The following EEPD1 variants were observed in gnomAD, a reference collection of about 807,000 sequenced individuals.
EEPD1 encodes the protein endonuclease/exonuclease/phosphatase family domain containing 1.
EEPD1 carries 17 observed loss-of-function variants against 46.3 expected under a neutral mutation model. The observed-to-expected ratio is 0.37, with a 90% confidence interval of 0.25 to 0.55. EEPD1 has a LOEUF of 0.55. Among genes scored for constraint, EEPD1 ranks in the 20% least tolerant of loss-of-function variants. The pLI, the probability that EEPD1 is intolerant of heterozygous loss-of-function variation, is 0.83. For synonymous variants in EEPD1, 313 were observed against 315.6 expected (o/e 0.99, Z 0.09); for missense variants, 673 against 745.6 (o/e 0.90, Z 1.13).
intron 3 of EEPD1, among the ~76,000 whole-genome samples, chr7:36,264,131 A>G (rs953771026): frequency 6.6e-6 from 1 of 152,218 alleles, no homozygotes; most frequent in Non-Finnish European, 1.5e-5. Flanking sequence ...GAAAATTTTA[A>G]AGCAAGAAGA....
Position 36,275,712 on chromosome 7 carries a change from G to A in EEPD1, c.931-5403G>A, listed in dbSNP as rs375245790. Among the ~76,000 whole-genome samples, 11 of 152,220 alleles carry A rather than the reference G, an allele frequency of 7.2e-5. No individual in the cohort carries two copies. The East Asian group carries it at 1.5e-3, about 21-fold the overall frequency. ...CCTGACCTCGTGATCCACCCGCTTCGCCCTTCCAAAGTATTGGGATTACAG... is the reference window on the plus strand; with the variant it reads ...CCTGACCTCGTGATCCACCCGCTTCACCCTTCCAAAGTATTGGGATTACAG... On this transcript the variant is annotated intron_variant, in intron 3 of 7. Coordinates refer to ENST00000242108, the MANE Select transcript of EEPD1 (RefSeq NM_030636.3).
At chr7:36,230,105 A>G (rs1370820624) in intron 2 of EEPD1, among the ~76,000 whole-genome samples, 2 of 151,984 alleles carry the variant, frequency 1.3e-5, no homozygotes, top group Non-Finnish European at 2.9e-5. Flanking sequence ...TGGAAACTGG[A>G]GTAATGTTTC....
At chr7:36,273,877 T>C (rs758523804) in intron 3 of EEPD1, among the ~76,000 whole-genome samples, 1 of 152,230 alleles carries the variant, frequency 6.6e-6, no homozygotes, top group African/African-American at 2.4e-5. Flanking sequence ...CAAGCCCAGC[T>C]CATTCTTTCA....
At chr7:36,283,383 C>G (rs1787290953) in intron 4 of EEPD1, among the ~76,000 whole-genome samples, 1 of 152,154 alleles carries the variant, frequency 6.6e-6, no homozygotes, top group African/African-American at 2.4e-5. Flanking sequence ...GGCTTCCCCT[C>G]CAGGGCCATC....
chr7:36,285,741 G>A (rs543813216), intron 5 of EEPD1, among the ~76,000 whole-genome samples: 2 of 152,286 alleles, frequency 1.3e-5, no homozygotes, highest in East Asian at 3.9e-4. Context: ...AGCAGTTCTT[G>A]AACCTGACAG....
rs369100874 is a variant in EEPD1, at chr7:36,215,187, ACGAGC to A, written c.879-23791_879-23787del. Among the ~76,000 whole-genome samples, 540 of 152,306 alleles carry A rather than the reference ACGAGC, an allele frequency of 3.5e-3. 3 individuals carry two copies. The highest frequency in any genetic ancestry group is 0.012 in the African/African-American group (507 of 41,578). On this transcript the variant is annotated intron_variant, in intron 2 of 7. Transcript: ENST00000242108. The stretch of plus-strand genomic sequence containing the variant: ...TGCTGTTGCTTAACGATAACCAGAC[ACGAGC>A]CGAGCCCACCCGCTGCTGCCCTCCC...
At chr7:36,182,676 A>C (rs1485863382) in intron 2 of EEPD1, among the ~76,000 whole-genome samples, 1 of 152,244 alleles carries the variant, frequency 6.6e-6, no homozygotes, top group African/African-American at 2.4e-5. Context: ...GGACTTGCCC[A>C]GTAATGCACA....
rs755806408 is a variant in EEPD1, at chr7:36,154,556, GA to G, written c.233del (p.Glu78GlyfsTer9). ...REYIGGFKKV[E>X]DLALVSGVGA... is the part of the protein sequence containing the mutation. ...GTATATCGGTGGCTTCAAGAAGGTGGAGGACCTGGCATTGGTCAGTGGTGTA... is the reference window on the plus strand; with the variant it reads ...GTATATCGGTGGCTTCAAGAAGGTGGGGACCTGGCATTGGTCAGTGGTGTA... On this transcript the variant is annotated frameshift_variant, in exon 2 of 8. Transcript: ENST00000242108. LOFTEE classifies it high-confidence loss of function. This position sits in a 1 kb window ranked among gnomAD's most constrained non-coding sequence, Gnocchi z 4.2. 2 of 1,614,064 alleles carry G rather than the reference GA, an allele frequency of 1.2e-6. No homozygotes were observed. Among genetic ancestry groups the G allele is most frequent in the African/African-American group, 2.7e-5 (2 of 74,930 alleles).
intron 3 of EEPD1, among the ~76,000 whole-genome samples, chr7:36,270,666 A>G (rs1019150967): frequency 6.6e-6 from 1 of 152,190 alleles, no homozygotes; most frequent in Non-Finnish European, 1.5e-5. Flanking sequence ...ATGGTATTCC[A>G]TGGTGTATAT....
chr7:36,237,176 C>T (rs902357905), intron 2 of EEPD1, among the ~76,000 whole-genome samples: 2 of 152,208 alleles, frequency 1.3e-5, no homozygotes, highest in East Asian at 1.9e-4. Context: ...AGCGAAACCA[C>T]GAACCCACCA....
chr7:36,264,171 GTC>G (rs2115835826), intron 3 of EEPD1, among the ~76,000 whole-genome samples: 1 of 152,296 alleles, frequency 6.6e-6, no homozygotes, highest in East Asian at 1.9e-4. Context: ...TTGCAGTTTG[GTC>G]TCTCTAGTTT....
In EEPD1 at chr7:36,284,725, G is replaced by C. The variant is rs759452624; in HGVS notation, c.1081G>C (p.Gly361Arg). Residue 361 changes from glycine (G) to arginine (R), a missense_variant, in exon 5 of 8, where the codon GGC becomes CGC. Physicochemically the swap from Gly to Arg is moderately radical, Grantham distance 125 (BLOSUM62 -2). Transcript: ENST00000242108. ...YAGFLWDAAAGMELRDAGSQE... is the reference protein window; with the variant it reads ...YAGFLWDAAARMELRDAGSQE... ...AGGATTCCTATGGGACGCGGCTGCCGGCATGGAGCTGAGAGACGCGGGTTC... is the reference window on the plus strand; with the variant it reads ...AGGATTCCTATGGGACGCGGCTGCCCGCATGGAGCTGAGAGACGCGGGTTC... 5 of 1,611,246 alleles carry C rather than the reference G, an allele frequency of 3.1e-6. No homozygotes were observed. Among genetic ancestry groups the C allele is most frequent in the Non-Finnish European group, 4.2e-6 (5 of 1,178,686 alleles).
chr7:36,168,988 C>G (rs1178638953), intron 2 of EEPD1, among the ~76,000 whole-genome samples: 1 of 152,124 alleles, frequency 6.6e-6, no homozygotes, highest in Non-Finnish European at 1.5e-5. Context: ...TTGTGCCTGA[C>G]TTTTTTACTT....
chr7:36,184,651 CTTTTAAGAAAGCATCTT>C (rs1428323437), intron 2 of EEPD1, among the ~76,000 whole-genome samples: 1 of 152,124 alleles, frequency 6.6e-6, no homozygotes, highest in African/African-American at 2.4e-5. Flanking sequence ...TGTTGATCCC[CTTTTAAGAAAGCATCTT>C]TATTAAATCA....
chr7:36,153,657 C>G lies in EEPD1; in HGVS notation c.-210C>G, dbSNP rs142018965. On this transcript the variant is annotated 5_prime_UTR_variant, in exon 1 of 8. Transcript: ENST00000242108. ...CGCAGGTGGAAGAGGAACCGGCGCC[C>G]CGCAGAGCGGCCGAGAGGTGGGGCG... 1 of 152,616 alleles carries G rather than the reference C, an allele frequency of 6.6e-6. No homozygotes were observed. Among genetic ancestry groups the G allele is most frequent in the African/African-American group, 2.4e-5 (1 of 41,464 alleles). The allele number at this position is 152,616 out of a possible 1,614,324, so 9.5% of individuals were successfully genotyped here.
chr7:36,164,969 C>G (rs1784959139), intron 2 of EEPD1, among the ~76,000 whole-genome samples: 1 of 151,962 alleles, frequency 6.6e-6, no homozygotes, highest in Non-Finnish European at 1.5e-5. Context: ...TTACAAAAGT[C>G]AAAAGATTAA....
At chr7:36,251,268 T>A (rs532787026) in intron 3 of EEPD1, among the ~76,000 whole-genome samples, 1 of 152,180 alleles carries the variant, frequency 6.6e-6, no homozygotes, top group Non-Finnish European at 1.5e-5. Context: ...TTTGCCACTG[T>A]CCTATTTCTC....
At chr7:36,244,446 A>T (rs1272721339) in intron 3 of EEPD1, among the ~76,000 whole-genome samples, 1 of 152,256 alleles carries the variant, frequency 6.6e-6, no homozygotes, top group African/African-American at 2.4e-5. Flanking sequence ...TTTCTTGCTA[A>T]TATTAGGCCT....
intron 2 of EEPD1, among the ~76,000 whole-genome samples, chr7:36,163,797 G>C (rs528679264): frequency 6.6e-6 from 1 of 151,914 alleles, no homozygotes; most frequent in South Asian, 2.1e-4. Context: ...AGAATGGTGT[G>C]GACCTGGGAG....
Sources: gnomAD v4.1 joint callset for allele counts (sites outside exome capture counted in the v4.1 genomes callset) on GRCh38, gnomAD v4.1.1 for gene constraint, Gnocchi (gnomAD v3.1) non-coding constraint, MANE v1.5 for transcripts, NCBI Gene and HGNC (gene_info 2026-07-23, HGNC 2026-07-21) for gene names.